The following RAPGEF4 variants were observed in gnomAD, a reference collection of about 807,000 sequenced individuals.
RAPGEF4 encodes Rap guanine nucleotide exchange factor 4.
Under a neutral mutation model 147.9 loss-of-function variants are expected in RAPGEF4, and 66 were observed. The ratio of observed to expected loss-of-function variants is 0.45; its 90% CI spans 0.37 to 0.55. The LOEUF is 0.55. RAPGEF4 is among the 20% of genes least tolerant of loss of function. The probability of loss-of-function intolerance (pLI) is 0.00; values close to 1 mark genes in which losing one functional copy is unlikely to be tolerated. For missense variants in RAPGEF4, 1,071 were observed against 1,257.3 expected (o/e 0.85, Z 2.24); for synonymous variants, 419 against 442.7 (o/e 0.95, Z 0.67).
At chr2:172,854,372 T>G (rs1221420453) in intron 4 of RAPGEF4, among the ~76,000 whole-genome samples, 1 of 152,068 alleles carries the variant, frequency 6.6e-6, no homozygotes, top group African/African-American at 2.4e-5. Context: ...CAAATCTAAT[T>G]CATAGGATAT....
chr2:172,784,703 G>A (rs1187738006), intron 1 of RAPGEF4, among the ~76,000 whole-genome samples: 2 of 152,084 alleles, frequency 1.3e-5, no homozygotes, highest in Non-Finnish European at 2.9e-5. Flanking sequence ...AACATAAGTG[G>A]TAAACATCTT....
At chr2:172,791,668 C>T (rs916946000) in intron 1 of RAPGEF4, among the ~76,000 whole-genome samples, 1 of 152,108 alleles carries the variant, frequency 6.6e-6, no homozygotes, top group Non-Finnish European at 1.5e-5. Context: ...TTTGGGGGCA[C>T]ACAAAAATAT....
At chr2:172,980,618 G>A (rs539906676) in intron 10 of RAPGEF4, among the ~76,000 whole-genome samples, 1 of 152,272 alleles carries the variant, frequency 6.6e-6, no homozygotes, top group South Asian at 2.1e-4. Context: ...AAAGGAGCTG[G>A]AATTCTGCCA....
At chr2:172,797,796 C>G (rs1304509556) in intron 3 of RAPGEF4, among the ~76,000 whole-genome samples, 183 bp downstream of exon 3, 1 of 152,160 alleles carries the variant, frequency 6.6e-6, no homozygotes, top group Non-Finnish European at 1.5e-5. Context: ...TGAATGTCTT[C>G]CCTGATTTGA....
intron 29 of RAPGEF4, among the ~76,000 whole-genome samples, chr2:173,040,769 C>T (rs3769215): frequency 0.25 from 38,001 of 152,114 alleles, 4,937 homozygotes; most frequent in Admixed American, 0.35. Context: ...AGAGAATTCA[C>T]ACCCTAATCC....
intron 1 of RAPGEF4, among the ~76,000 whole-genome samples, chr2:172,737,553 T>A (rs1270360451): frequency 6.6e-6 from 1 of 152,174 alleles, no homozygotes; most frequent in Admixed American, 6.5e-5. Context: ...GAAGTACTTA[T>A]GGCAAAATCA....
intron 6 of RAPGEF4, among the ~76,000 whole-genome samples, chr2:172,936,891 T>C (rs1046283001): frequency 1.3e-5 from 2 of 151,968 alleles, no homozygotes; most frequent in African/African-American, 4.8e-5. Flanking sequence ...ATTGATTCAT[T>C]ATCACCAACT....
At chr2:172,963,985 TA>T (rs1689566831) in intron 8 of RAPGEF4, among the ~76,000 whole-genome samples, 1 of 152,236 alleles carries the variant, frequency 6.6e-6, no homozygotes, top group South Asian at 2.1e-4. Flanking sequence ...AAACCCTTTG[TA>T]AGGACTCATC....
At chr2:172,790,226 C>A (rs1409834946) in intron 1 of RAPGEF4, among the ~76,000 whole-genome samples, 1 of 152,018 alleles carries the variant, frequency 6.6e-6, no homozygotes, top group African/African-American at 2.4e-5. Context: ...CTTTTCATAT[C>A]CGTTGGCCAT....
At chr2:172,860,280 A>C in intron 4 of RAPGEF4, 1 of 985,412 alleles carries the variant, frequency 1.0e-6, no homozygotes, top group Non-Finnish European at 1.2e-6. Context: ...GCCGTGGTGG[A>C]CCTGGGAGAA....
rs754248099 is a variant in RAPGEF4 at position 172,814,441 on chromosome 2, T to G, written c.444+16T>G. On this transcript the variant is annotated intron_variant, in intron 4 of 30. Transcript: ENST00000397081. ...ACTATGGGAGGTGAGCCCTAAGGCT[T>G]CTTTGTCAATTAATGCAGTTTCAGA... 1 of 1,613,904 alleles carries G rather than the reference T, an allele frequency of 6.2e-7. No individual in the cohort carries two copies.
At chr2:172,933,508 C>T (rs1449941994) in intron 6 of RAPGEF4, among the ~76,000 whole-genome samples, 2 of 152,022 alleles carry the variant, frequency 1.3e-5, no homozygotes, top group Non-Finnish European at 2.9e-5. Context: ...TTGCACCGTA[C>T]CTGGGTGCAG....
chr2:172,821,737 TA>T (rs35414922), intron 4 of RAPGEF4: 82,087 of 797,584 alleles, frequency 0.1, 2 homozygotes, highest in Non-Finnish European at 0.11. Context: ...TAACTAAAGT[TA>T]AAAAAAAAAA....
chr2:172,744,168 T>C, intron 1 of RAPGEF4: 1 of 247,546 alleles, frequency 4.0e-6, no homozygotes, highest in Non-Finnish European at 8.1e-6. Context: ...ATCTAACCAG[T>C]CACTAATTGT....
chr2:172,985,309 G>C, intron 11 of RAPGEF4, 124 bp from the exon 12 acceptor site: 1 of 1,287,324 alleles, frequency 7.8e-7, no homozygotes, highest in Non-Finnish European at 1.1e-6. Flanking sequence ...CAGCAAGAGA[G>C]GTGAGAGATG....
chr2:172,923,350 C>T (rs972163770), intron 6 of RAPGEF4, among the ~76,000 whole-genome samples: 1 of 152,246 alleles, frequency 6.6e-6, no homozygotes, highest in South Asian at 2.1e-4. Context: ...CTCACTGCAA[C>T]CTCTGCCTCC....
intron 15 of RAPGEF4, among the ~76,000 whole-genome samples, chr2:172,995,896 G>A (rs1693306967): frequency 6.6e-6 from 1 of 152,064 alleles, no homozygotes; most frequent in African/African-American, 2.4e-5. Flanking sequence ...TGATCTACTG[G>A]GGTTTGTTTG....
Position 172,961,182 on chromosome 2 carries a change from G to A in RAPGEF4, c.652G>A (p.Ala218Thr). ...TTTACGAAATGCCATTCTCTCTCGAGCACCTCACATGATAAGAGATAGAAA... is the reference window on the plus strand; with the variant it reads ...TTTACGAAATGCCATTCTCTCTCGAACACCTCACATGATAAGAGATAGAAA... ...KILRNAILSRAPHMIRDRKYH... is the reference protein window; with the variant it reads ...KILRNAILSRTPHMIRDRKYH... Residue 218 changes from alanine (A) to threonine (T), a missense_variant, in exon 8 of 31, where the codon GCA becomes ACA. By Grantham distance (58) the Ala-to-Thr change is moderately conservative. Coordinates refer to ENST00000397081, the MANE Select transcript of RAPGEF4 (RefSeq NM_007023.4). 1 of 1,612,894 alleles carries A rather than the reference G, an allele frequency of 6.2e-7. No individual in the cohort carries two copies. Among genetic ancestry groups the A allele is most frequent in the Non-Finnish European group, 8.5e-7 (1 of 1,178,898 alleles).
chr2:173,021,567 A>C (rs935603880), intron 23 of RAPGEF4, among the ~76,000 whole-genome samples: 5 of 152,148 alleles, frequency 3.3e-5, no homozygotes, highest in Non-Finnish European at 7.3e-5. Context: ...CAGCCTGGGC[A>C]ACAGAGCGAG....
Sources: allele counts gnomAD v4.1 joint callset (sites outside exome capture counted in the v4.1 genomes callset), GRCh38; gene constraint gnomAD v4.1.1; transcripts MANE v1.5; gene names NCBI Gene and HGNC (gene_info 2026-07-23, HGNC 2026-07-21).